EPM2A: variants seen among roughly 807,000 people sequenced by gnomAD.
EPM2A encodes the protein EPM2A glucan phosphatase, laforin, also known as laforin.
In EPM2A, 21 loss-of-function variants were observed where a neutral mutation model predicts 26.5. The ratio of observed to expected loss-of-function variants is 0.79; its 90% confidence interval spans 0.56 to 1.14. The LOEUF (loss-of-function observed/expected upper bound fraction) is 1.14, where lower values mean the gene tolerates loss of function less well. Ranked by LOEUF, EPM2A falls within the 50% of genes most tolerant of loss-of-function variation. The pLI, the probability that EPM2A is intolerant of heterozygous loss-of-function variation, is 0.00. For missense variants in EPM2A, 458 were observed against 440.8 expected, an observed-to-expected ratio of 1.04 and a Z score of -0.35; for synonymous variants, 217 against 177.6, an observed-to-expected ratio of 1.22 and a Z score of -1.76.
downstream of EPM2A, among the ~76,000 whole-genome samples, chr6:145,621,101 C>T (rs1351413031): frequency 6.6e-6 from 1 of 152,200 alleles, no homozygotes; most frequent in Non-Finnish European, 1.5e-5. Flanking sequence ...CCTCTTTCCT[C>T]CAACTTCTCA....
chr6:145,665,806 C>A (rs1779134389), intron 2 of EPM2A, among the ~76,000 whole-genome samples: 1 of 130,266 alleles, frequency 7.7e-6, no homozygotes, highest in South Asian at 2.8e-4. Flanking sequence ...CATCAAAAAG[C>A]TTATCCACCA....
chr6:145,569,370 C>G (rs1167780780), intron 2 of EPM2A, among the ~76,000 whole-genome samples: 2 of 152,108 alleles, frequency 1.3e-5, no homozygotes, highest in African/African-American at 4.8e-5. Context: ...CTCATATGCC[C>G]CCAGCATGCT....
intron 2 of EPM2A, chr6:145,637,491 G>A (rs1177341469): frequency 6.7e-6 from 1 of 149,546 alleles, no homozygotes; most frequent in African/African-American, 2.5e-5. Context: ...TTTTCTACTT[G>A]TGTTCTTGTC....
intron 4 of EPM2A, chr6:145,490,015 C>T (rs1162767458): frequency 1.5e-5 from 20 of 1,350,558 alleles, no homozygotes; most frequent in Non-Finnish European, 2.0e-5. Context: ...GGACGTGTTC[C>T]ACAGTCACTT....
At chr6:145,399,001 C>A (rs1034759179) in intron 4 of EPM2A, among the ~76,000 whole-genome samples, 4 of 152,072 alleles carry the variant, frequency 2.6e-5, no homozygotes, top group African/African-American at 7.2e-5. Flanking sequence ...TAATCTATCC[C>A]ATGTTATTAA....
chr6:145,647,457 G>A (rs778417950), intron 2 of EPM2A, among the ~76,000 whole-genome samples: 1 of 152,052 alleles, frequency 6.6e-6, no homozygotes, highest in Admixed American at 6.5e-5. Context: ...TGTTCCCATG[G>A]CATCTTATAC....
At chr6:145,670,090 G>C (rs1349363359) in intron 2 of EPM2A, among the ~76,000 whole-genome samples, 1 of 152,054 alleles carries the variant, frequency 6.6e-6, no homozygotes, top group Non-Finnish European at 1.5e-5. Context: ...CACAGATTTT[G>C]CTCCTGCAGT....
intron 4 of EPM2A, among the ~76,000 whole-genome samples, chr6:145,398,969 C>A (rs1450824352): frequency 1.3e-5 from 2 of 151,992 alleles, no homozygotes; most frequent in South Asian, 2.1e-4. Flanking sequence ...GCTTGCACAC[C>A]CAAATATTAC....
intron 4 of EPM2A, chr6:145,490,739 C>A: frequency 1.8e-6 from 1 of 562,362 alleles, no homozygotes; most frequent in Admixed American, 2.1e-5. Flanking sequence ...TGGAACAAGT[C>A]CTTCACATGT....
At chr6:145,407,922 T>C (rs1778591505) in intron 4 of EPM2A, among the ~76,000 whole-genome samples, 1 of 152,182 alleles carries the variant, frequency 6.6e-6, no homozygotes, top group South Asian at 2.1e-4. Context: ...AATAGCTAAG[T>C]TTTATATAAC....
intron 2 of EPM2A, among the ~76,000 whole-genome samples, chr6:145,676,656 T>A (rs1423592513): frequency 6.6e-6 from 1 of 151,984 alleles, no homozygotes; most frequent in Non-Finnish European, 1.5e-5. Context: ...AACACCTCTA[T>A]CCAAATAAAC....
At chr6:145,398,452 G>A (rs771320622) in intron 4 of EPM2A, among the ~76,000 whole-genome samples, 14 of 151,950 alleles carry the variant, frequency 9.2e-5, no homozygotes, top group Non-Finnish European at 1.8e-4. Flanking sequence ...TTATGTCAAG[G>A]TATAAAATGA....
At chr6:145,396,888 T>C (rs1441407713) in intron 4 of EPM2A, among the ~76,000 whole-genome samples, 1 of 152,160 alleles carries the variant, frequency 6.6e-6, no homozygotes, top group African/African-American at 2.4e-5. Context: ...CCTTTGAACA[T>C]CACAGATAGG....
chr6:145,388,965 A>AT (rs200311912), intron 4 of EPM2A, among the ~76,000 whole-genome samples: 2,854 of 152,190 alleles, frequency 0.019, 93 homozygotes, highest in African/African-American at 0.064. Flanking sequence ...ACAGTGCTGC[A>AT]ATAAACATAT....
intron 2 of EPM2A, among the ~76,000 whole-genome samples, chr6:145,681,343 G>T (rs1204520342): frequency 1.2e-4 from 18 of 151,234 alleles, no homozygotes; most frequent in Non-Finnish European, 2.5e-4. Context: ...TCTGTAGGTT[G>T]CCTGTTCACT....
intron 4 of EPM2A, among the ~76,000 whole-genome samples, chr6:145,437,614 C>A (rs1010811705): frequency 2.0e-5 from 3 of 152,120 alleles, no homozygotes; most frequent in African/African-American, 4.8e-5. Flanking sequence ...ATTCCACTGA[C>A]CTAAAAATAA....
intron 3 of EPM2A, among the ~76,000 whole-genome samples, chr6:145,502,363 T>C (rs2114752357): frequency 6.6e-6 from 1 of 152,372 alleles, no homozygotes; most frequent in East Asian, 1.9e-4. Flanking sequence ...GCCTGCCTTA[T>C]TTCCAGAATT....
chr6:145,487,166 T>C (rs4896811), intron 4 of EPM2A, among the ~76,000 whole-genome samples: 12,454 of 152,284 alleles, frequency 0.082, 689 homozygotes, highest in East Asian at 0.19. Flanking sequence ...GCAAAGGATA[T>C]GATCTCATGC....
intron 4 of EPM2A, among the ~76,000 whole-genome samples, chr6:145,495,221 C>T (rs975499712): frequency 2.6e-5 from 4 of 152,154 alleles, no homozygotes; most frequent in South Asian, 4.2e-4. Context: ...CTGAATTGAA[C>T]CCTTTACCAT....
Sources: allele counts gnomAD v4.1 joint callset (sites outside exome capture counted in the v4.1 genomes callset), GRCh38; gene constraint gnomAD v4.1.1; transcripts MANE v1.5; gene names NCBI Gene and HGNC (gene_info 2026-07-23, HGNC 2026-07-21).